Variants in SLC20A2 observed in about 807,000 individuals in gnomAD.
SLC20A2 encodes the protein sodium-dependent phosphate transporter 2.
In SLC20A2, 30 loss-of-function variants were observed where a neutral mutation model predicts 61.0. That is an observed-to-expected ratio of 0.49 (90% CI 0.37 to 0.67). The LOEUF is 0.67. SLC20A2 is among the 30% of genes least tolerant of loss of function. The probability of loss-of-function intolerance (pLI) is 0.00; values close to 1 mark genes in which losing one functional copy is unlikely to be tolerated. For synonymous variants in SLC20A2, 351 were observed against 353.3 expected (o/e 0.99, Z 0.07); for missense variants, 626 against 866.4 (o/e 0.72, Z 3.48).
chr8:42,424,389 C>A (rs1201547298), intron 10 of SLC20A2, among the ~76,000 whole-genome samples: 5 of 152,118 alleles, frequency 3.3e-5, no homozygotes. Flanking sequence ...AATCTCCACT[C>A]ACCACAACCT....
chr8:42,440,890 T>C (rs961534667), intron 6 of SLC20A2, among the ~76,000 whole-genome samples: 4 of 152,240 alleles, frequency 2.6e-5, no homozygotes, highest in African/African-American at 9.6e-5. Flanking sequence ...AACCTCCGCC[T>C]CACGCGTTCA....
chr8:42,444,873 T>C (rs536752463), intron 5 of SLC20A2, 111 bp from the exon 6 acceptor site: 275 of 717,504 alleles, frequency 3.8e-4, no homozygotes, highest in Non-Finnish European at 6.1e-4. Context: ...CTGGATTTTG[T>C]AGTGAATAAA....
chr8:42,486,166 GTGTA>G (rs991861825), intron 1 of SLC20A2, among the ~76,000 whole-genome samples: 1 of 151,928 alleles, frequency 6.6e-6, no homozygotes, highest in African/African-American at 2.4e-5. Context: ...GTGTGTGTGT[GTGTA>G]TGTGTGGACT....
At chr8:42,477,633 G>A (rs993698634) in intron 1 of SLC20A2, among the ~76,000 whole-genome samples, 3 of 151,792 alleles carry the variant, frequency 2.0e-5, no homozygotes, top group African/African-American at 7.3e-5. Context: ...ACCATGTCCA[G>A]CTAATTTTTG....
chr8:42,429,176 A>T (rs1803654208), intron 9 of SLC20A2, among the ~76,000 whole-genome samples: 1 of 152,244 alleles, frequency 6.6e-6, no homozygotes, highest in African/African-American at 2.4e-5. Context: ...CTCTCATTTT[A>T]AAAATGTGCA....
intron 5 of SLC20A2, among the ~76,000 whole-genome samples, chr8:42,446,405 A>G (rs1429002092): frequency 1.3e-5 from 2 of 152,220 alleles, no homozygotes; most frequent in Admixed American, 6.5e-5. Flanking sequence ...CAACTTGAAC[A>G]CTTATGCTCA....
intron 1 of SLC20A2, among the ~76,000 whole-genome samples, chr8:42,491,461 C>T (rs865994682): frequency 1.3e-5 from 2 of 149,114 alleles, no homozygotes; most frequent in African/African-American, 5.0e-5. Context: ...GCCAAGATCA[C>T]GCCACTGCAC....
chr8:42,514,221 A>G (rs1370420548), intron 1 of SLC20A2, among the ~76,000 whole-genome samples: 1 of 152,174 alleles, frequency 6.6e-6, no homozygotes, highest in East Asian at 1.9e-4. Flanking sequence ...AGCAATTCTA[A>G]CCTGTGGGCA....
intron 1 of SLC20A2, among the ~76,000 whole-genome samples, chr8:42,473,530 C>T (rs1008005764): frequency 6.6e-6 from 1 of 152,154 alleles, no homozygotes; most frequent in Non-Finnish European, 1.5e-5. Context: ...CATTCAGGTC[C>T]CTGCTCAAAT....
rs536930531 is a variant in SLC20A2 at position 42,456,744 on chromosome 8, A to C, written c.613+3152T>G. Among the ~76,000 whole-genome samples, 498 of 151,162 alleles carry C rather than the reference A, an allele frequency of 3.3e-3. 7 individuals are homozygous for C. The highest frequency in any genetic ancestry group is 0.011 in the African/African-American group (468 of 41,106). ...GAGACTCTGTCTCAAAAAAAAAAAA[A>C]AAAAAAAAAAACAAGGACTAAGATA... is the stretch of plus-strand genomic sequence containing the variant. On this transcript the variant is annotated intron_variant, in intron 5 of 10. Transcript: ENST00000520262.
chr8:42,471,962 A>C (rs570159992), intron 2 of SLC20A2, 140 bp downstream of exon 2: 4 of 708,186 alleles, frequency 5.6e-6, no homozygotes, highest in Non-Finnish European at 9.6e-6. Context: ...AGAAAGCAAA[A>C]ATAAGAGAGT....
intron 5 of SLC20A2, among the ~76,000 whole-genome samples, chr8:42,452,726 G>A (rs1394643627): frequency 6.6e-6 from 1 of 151,912 alleles, no homozygotes; most frequent in Non-Finnish European, 1.5e-5. Context: ...AGAGGAGGAG[G>A]AGGGGGAGGA....
In SLC20A2 at chr8:42,484,533, G is replaced by A. The variant is rs562431139; in HGVS notation, c.-264-11879C>T. 3 of 155,476 alleles carry A rather than the reference G, an allele frequency of 1.9e-5. No homozygotes were observed. In the South Asian group the frequency reaches 6.0e-4, roughly 31 times the overall value. The allele number at this position is 155,476 out of a possible 1,614,324, so 9.6% of individuals were successfully genotyped here. A position where few individuals can be genotyped will look rare whatever the true frequency, so the allele number is the denominator to read the frequency against. On this transcript the variant is annotated intron_variant, in intron 1 of 10. Coordinates refer to ENST00000520262, the MANE Select transcript of SLC20A2 (RefSeq NM_001257180.2). ...TCTTTGAAAACTATTTCCTCACTCTGAGAATGCTCATGGCTCTTAATTCCC... is the reference window on the plus strand; with the variant it reads ...TCTTTGAAAACTATTTCCTCACTCTAAGAATGCTCATGGCTCTTAATTCCC...
At chr8:42,504,887 G>C (rs918897266), upstream of SLC20A2, among the ~76,000 whole-genome samples, 1 of 40,194 alleles carries the variant, frequency 2.5e-5, no homozygotes, top group Non-Finnish European at 5.8e-5. Flanking sequence ...AAAAAAAAAA[G>C]GCATGTTCCA....
intron 9 of SLC20A2, 111 bp from the exon 10 acceptor site, chr8:42,428,953 T>C: frequency 3.8e-6 from 3 of 784,146 alleles, no homozygotes; most frequent in African/African-American, 1.8e-5. Context: ...TGCCGACTGC[T>C]GACTGGGCAA....
At chr8:42,498,235 G>C (rs556091677) in intron 1 of SLC20A2, among the ~76,000 whole-genome samples, 1 of 152,180 alleles carries the variant, frequency 6.6e-6, no homozygotes. Context: ...TAGGAGGATT[G>C]CAACAGAGGA....
chr8:42,515,382 C>G (rs760383291), intron 1 of SLC20A2, among the ~76,000 whole-genome samples: 33 of 152,018 alleles, frequency 2.2e-4, no homozygotes, highest in Admixed American at 2.0e-4. Context: ...CAAGATAATA[C>G]AAGACATACA....
At chr8:42,482,767 T>C (rs1808649997) in intron 1 of SLC20A2, among the ~76,000 whole-genome samples, 1 of 152,070 alleles carries the variant, frequency 6.6e-6, no homozygotes, top group South Asian at 2.1e-4. Context: ...GGCTTATGCC[T>C]GTAATCCCAG....
chr8:42,510,024 G>A (rs994543953), intron 1 of SLC20A2, among the ~76,000 whole-genome samples: 2 of 152,152 alleles, frequency 1.3e-5, no homozygotes, highest in African/African-American at 2.4e-5. Context: ...ACAGTAATTC[G>A]AAAGTTAGGT....
Sources: gnomAD v4.1 joint callset for allele counts (sites outside exome capture counted in the v4.1 genomes callset) on GRCh38, gnomAD v4.1.1 for gene constraint, MANE v1.5 for transcripts, NCBI Gene and HGNC (gene_info 2026-07-23, HGNC 2026-07-21) for gene names.